The following PDE1A variants were observed in gnomAD, a reference collection of about 807,000 sequenced individuals.
PDE1A encodes the protein dual specificity calcium/calmodulin-dependent 3',5'-cyclic nucleotide phosphodiesterase 1A.
A neutral mutation model predicts 61.7 loss-of-function variants in PDE1A; 35 were observed. That is an observed-to-expected ratio of 0.57 (90% CI 0.43 to 0.75). PDE1A has a LOEUF of 0.75. Ranked by LOEUF, PDE1A falls within the 30% of genes least tolerant of loss-of-function variation. The pLI, the probability that PDE1A is intolerant of heterozygous loss-of-function variation, is 0.00. For synonymous variants in PDE1A, 232 were observed against 213.2 expected (o/e 1.09, Z -0.77); for missense variants, 597 against 630.6 (o/e 0.95, Z 0.57).
intron 13 of PDE1A, among the ~76,000 whole-genome samples, chr2:182,181,007 T>C (rs183604897): frequency 1.3e-5 from 2 of 152,184 alleles, no homozygotes; most frequent in East Asian, 3.9e-4. Context: ...TCAATGTTCT[T>C]AGCTTCTTTG....
the PDE1A span, among the ~76,000 whole-genome samples, chr2:182,644,293 GTGTGTGTC>G: frequency 1.4e-5 from 2 of 147,572 alleles, no homozygotes; most frequent in East Asian, 2.0e-4. Context: ...GTGTGTGTGT[GTGTGTGTC>G]TGTGTGTGTC....
chr2:182,563,301 A>C, the PDE1A span, among the ~76,000 whole-genome samples: 964 of 152,056 alleles, frequency 6.3e-3, 13 homozygotes, highest in African/African-American at 0.022. Context: ...TTCTGCCTTC[A>C]TTTCATTATG....
At chr2:182,630,284 G>T in the PDE1A span, among the ~76,000 whole-genome samples, 1 of 151,686 alleles carries the variant, frequency 6.6e-6, no homozygotes, top group Non-Finnish European at 1.5e-5. Context: ...TATCTATATT[G>T]TGTAAGTCAG....
At chr2:182,303,423 T>C (rs1258669429) in intron 1 of PDE1A, among the ~76,000 whole-genome samples, 8 of 152,192 alleles carry the variant, frequency 5.3e-5, no homozygotes, top group Non-Finnish European at 1.2e-4. Flanking sequence ...GAAATCTTGT[T>C]TTCCAAGCAA....
chr2:182,188,827 T>C (rs1447412059), intron 11 of PDE1A, 152 bp downstream of exon 11: 1 of 537,556 alleles, frequency 1.9e-6, no homozygotes, highest in Non-Finnish European at 3.4e-6. Context: ...TAAGTCTTAT[T>C]CAGCACCACA....
intron 1 of PDE1A, among the ~76,000 whole-genome samples, chr2:182,293,636 G>A (rs1694685312): frequency 6.6e-6 from 1 of 152,044 alleles, no homozygotes; most frequent in South Asian, 2.1e-4. Flanking sequence ...TGAAACTACA[G>A]AAAGTACCAT....
intron 2 of PDE1A, among the ~76,000 whole-genome samples, chr2:182,467,093 A>G (rs1265867708): frequency 6.6e-6 from 1 of 151,816 alleles, no homozygotes; most frequent in Non-Finnish European, 1.5e-5. Flanking sequence ...AAAGGAAAAG[A>G]AAAGATGGAA....
intron 2 of PDE1A, among the ~76,000 whole-genome samples, chr2:182,452,406 G>A (rs542567033): frequency 2.0e-5 from 3 of 152,222 alleles, no homozygotes; most frequent in East Asian, 1.9e-4. Flanking sequence ...GGGGATGACT[G>A]AAAAACATTG....
chr2:182,393,203 C>T (rs1701517565), intron 1 of PDE1A, among the ~76,000 whole-genome samples: 1 of 152,210 alleles, frequency 6.6e-6, no homozygotes, highest in Non-Finnish European at 1.5e-5. Flanking sequence ...AACTTCAATT[C>T]TTGACTTCTG....
At chr2:182,642,299 T>A in the PDE1A span, among the ~76,000 whole-genome samples, 25 of 152,272 alleles carry the variant, frequency 1.6e-4, no homozygotes, top group Non-Finnish European at 2.6e-4. Context: ...AAAAGATAAA[T>A]CTCCTGTTAA....
intron 1 of PDE1A, among the ~76,000 whole-genome samples, chr2:182,309,717 T>C (rs1030757581): frequency 3.3e-5 from 5 of 152,232 alleles, no homozygotes; most frequent in East Asian, 1.9e-4. Flanking sequence ...TTTTCAGATA[T>C]ATGCAGTCAG....
intron 2 of PDE1A, among the ~76,000 whole-genome samples, chr2:182,463,171 G>A (rs996416124): frequency 2.6e-5 from 4 of 151,922 alleles, no homozygotes; most frequent in African/African-American, 9.7e-5. Flanking sequence ...CCCAGGAGGC[G>A]GAGGTTGCAG....
exon 15 of PDE1A, chr2:182,140,206 T>C (rs116532778): frequency 6.6e-6 from 1 of 152,238 alleles, no homozygotes; most frequent in Non-Finnish European, 1.5e-5. Flanking sequence ...TAGGTATAAA[T>C]TACAGTCTGT....
chr2:182,365,373 C>A (rs955583332), intron 1 of PDE1A, among the ~76,000 whole-genome samples: 2 of 151,954 alleles, frequency 1.3e-5, no homozygotes, highest in Non-Finnish European at 2.9e-5. Flanking sequence ...TGAAATTAAA[C>A]ACAGCTCCAT....
intron 13 of PDE1A, among the ~76,000 whole-genome samples, chr2:182,168,881 C>T (rs1241624292): frequency 6.6e-6 from 1 of 151,894 alleles, no homozygotes; most frequent in Non-Finnish European, 1.5e-5. Flanking sequence ...ACCGGAAGGG[C>T]TAATGCTGTC....
chr2:182,285,592 T>G (rs777151862), intron 1 of PDE1A, among the ~76,000 whole-genome samples: 1 of 152,108 alleles, frequency 6.6e-6, no homozygotes, highest in East Asian at 1.9e-4. Context: ...CCACTTCCCA[T>G]GTGGATGTTG....
At chr2:182,182,209 CTA>C (rs1684822294) in intron 13 of PDE1A, among the ~76,000 whole-genome samples, 1 of 152,118 alleles carries the variant, frequency 6.6e-6, no homozygotes, top group African/African-American at 2.4e-5. Flanking sequence ...ATAATTTTAC[CTA>C]TATACAAATA....
the PDE1A span, chr2:182,716,336 C>T: frequency 2.0e-5 from 3 of 152,272 alleles, no homozygotes; most frequent in Non-Finnish European, 4.4e-5. Context: ...GTGGCTGCAC[C>T]TCACCAATCC....
chr2:182,376,811 A>G (rs901367896), intron 1 of PDE1A, among the ~76,000 whole-genome samples: 1 of 152,236 alleles, frequency 6.6e-6, no homozygotes, highest in Admixed American at 6.5e-5. Flanking sequence ...CCTCAAAATC[A>G]TGACAGAAGG....
Sources: allele counts gnomAD v4.1 joint callset (sites outside exome capture counted in the v4.1 genomes callset), GRCh38; gene constraint gnomAD v4.1.1; transcripts MANE v1.5; gene names NCBI Gene and HGNC (gene_info 2026-07-23, HGNC 2026-07-21).